PUM3: variants seen among roughly 807,000 people sequenced by gnomAD.
PUM3 encodes the protein pumilio homolog 3.
A neutral mutation model predicts 84.0 loss-of-function variants in PUM3; 91 were observed. That is an observed-to-expected ratio of 1.08 (90% CI 0.91 to 1.29). The LOEUF (loss-of-function observed/expected upper bound fraction) is 1.29, where lower values mean the gene tolerates loss of function less well. Among genes scored for constraint, PUM3 ranks in the 50% most tolerant of loss-of-function variants. The probability of loss-of-function intolerance (pLI) is 0.00; values close to 1 mark genes in which losing one functional copy is unlikely to be tolerated. For synonymous variants in PUM3, 321 were observed against 266.7 expected, an observed-to-expected ratio of 1.20 and a Z score of -1.98; for missense variants, 1,067 against 767.5, an observed-to-expected ratio of 1.39 and a Z score of -4.61.
chr9:2,833,695 AT>A (rs1364947041), intron 4 of PUM3, among the ~76,000 whole-genome samples: 2 of 152,132 alleles, frequency 1.3e-5, no homozygotes, highest in Non-Finnish European at 2.9e-5. Context: ...AAAAAAAATA[AT>A]AAAACAAATC....
At chr9:2,813,534 C>T (rs912578309) in intron 13 of PUM3, among the ~76,000 whole-genome samples, 1 of 152,186 alleles carries the variant, frequency 6.6e-6, no homozygotes, top group Non-Finnish European at 1.5e-5. Flanking sequence ...TGTCCTGGTC[C>T]TCCAACTCCA....
At chr9:2,822,468 C>A (rs1815672810) in intron 12 of PUM3, among the ~76,000 whole-genome samples, 1 of 151,742 alleles carries the variant, frequency 6.6e-6, no homozygotes, top group Non-Finnish European at 1.5e-5. Flanking sequence ...TAGCTTATCA[C>A]CCCTTTAGAA....
chr9:2,812,657 A>C (rs1238928410), intron 13 of PUM3, among the ~76,000 whole-genome samples: 1 of 152,360 alleles, frequency 6.6e-6, no homozygotes, highest in South Asian at 2.1e-4. Context: ...GAAAATGTGG[A>C]GCTAGTTCTG....
chr9:2,833,012 T>C (rs1426322477), intron 5 of PUM3, among the ~76,000 whole-genome samples: 1 of 152,166 alleles, frequency 6.6e-6, no homozygotes, highest in Non-Finnish European at 1.5e-5. Context: ...TATAAAGAAG[T>C]TGGCAATTGA....
At chr9:2,812,598 A>G (rs112247664) in intron 13 of PUM3, among the ~76,000 whole-genome samples, 65 of 152,362 alleles carry the variant, frequency 4.3e-4, no homozygotes, top group African/African-American at 1.3e-3. Context: ...TAGAATTTCA[A>G]TGGTGAAGAA....
chr9:2,811,771 G>A (rs1821380880), intron 14 of PUM3, among the ~76,000 whole-genome samples, 188 bp from the exon 15 acceptor site: 1 of 150,158 alleles, frequency 6.7e-6, no homozygotes, highest in African/African-American at 2.5e-5. Flanking sequence ...AAATGTTTGT[G>A]TCCCACGATC....
intron 17 of PUM3, among the ~76,000 whole-genome samples, chr9:2,806,278 C>G (rs1007103374): frequency 6.6e-6 from 1 of 152,174 alleles, no homozygotes; most frequent in Non-Finnish European, 1.5e-5. Context: ...TATCAGCTAA[C>G]GAATTCTGAC....
intron 9 of PUM3, among the ~76,000 whole-genome samples, chr9:2,827,794 C>T (rs77398107): frequency 6.6e-6 from 1 of 152,174 alleles, no homozygotes; most frequent in Non-Finnish European, 1.5e-5. Flanking sequence ...ACAACCAACC[C>T]ATTTAATCTT....
chr9:2,843,635 G>C (rs1441189559), intron 1 of PUM3, among the ~76,000 whole-genome samples: 1 of 140,124 alleles, frequency 7.1e-6, no homozygotes, highest in East Asian at 2.2e-4. Flanking sequence ...CTGGAGTGTA[G>C]TGGCACGATC....
At chr9:2,832,825 T>C (rs1349902240) in intron 5 of PUM3, among the ~76,000 whole-genome samples, 1 of 152,218 alleles carries the variant, frequency 6.6e-6, no homozygotes, top group Non-Finnish European at 1.5e-5. Context: ...TTCCAAGCCA[T>C]TATGTATTAA....
chr9:2,819,014 C>G (rs963550294), intron 13 of PUM3, among the ~76,000 whole-genome samples: 1 of 152,170 alleles, frequency 6.6e-6, no homozygotes, highest in Admixed American at 6.5e-5. Context: ...CATGTCATCA[C>G]TAAGATTTCT....
At chr9:2,806,356 T>C (rs751555200) in intron 17 of PUM3, among the ~76,000 whole-genome samples, 3 of 152,214 alleles carry the variant, frequency 2.0e-5, no homozygotes, top group East Asian at 3.8e-4. Context: ...GTAACACTTA[T>C]ATATTTGGAG....
chr9:2,837,547 G>A (rs966006884), intron 2 of PUM3, 146 bp from the exon 3 acceptor site: 1 of 592,180 alleles, frequency 1.7e-6, no homozygotes, highest in Non-Finnish European at 2.9e-6. Flanking sequence ...CTTTTGAGTA[G>A]AACTGGATTT....
intron 9 of PUM3, among the ~76,000 whole-genome samples, chr9:2,827,555 T>A (rs1388328650): frequency 6.6e-6 from 1 of 152,204 alleles, no homozygotes; most frequent in Non-Finnish European, 1.5e-5. Flanking sequence ...TCCATCTGTT[T>A]CACAAAATAA....
intron 13 of PUM3, among the ~76,000 whole-genome samples, chr9:2,812,582 T>C (rs1821396085): frequency 2.6e-5 from 4 of 152,150 alleles, no homozygotes; most frequent in Admixed American, 2.6e-4. Flanking sequence ...TAAAATAAAG[T>C]ATGCCTAGAA....
At position 2,811,439 on chromosome 9, in the gene PUM3, AG is replaced by A; in HGVS notation, c.1556del (p.Thr519MetfsTer8). 1 of 1,614,164 alleles carries A rather than the reference AG, an allele frequency of 6.2e-7. No homozygotes were observed. Among genetic ancestry groups the A allele is most frequent in the Non-Finnish European group, 8.5e-7 (1 of 1,180,024 alleles). ...VLVSDILGSA[T>X]GDVQPTMNAI... Reference sequence around the variant, plus strand: ...CATTCATGGTAGGCTGAACGTCTCCAGTGGCAGATCCCAGAATGTCAGACAC... The same window carrying A: ...CATTCATGGTAGGCTGAACGTCTCCATGGCAGATCCCAGAATGTCAGACAC... On this transcript the variant is annotated frameshift_variant, in exon 15 of 18. Transcript: ENST00000397885. LOFTEE classifies it high-confidence loss of function.
chr9:2,817,402 T>C (rs1821494237), intron 13 of PUM3, among the ~76,000 whole-genome samples: 1 of 152,000 alleles, frequency 6.6e-6, no homozygotes, highest in Non-Finnish European at 1.5e-5. Context: ...AAAAACAAAA[T>C]GCACAAGAAT....
intron 13 of PUM3, among the ~76,000 whole-genome samples, chr9:2,815,937 G>T (rs1821458624): frequency 6.6e-6 from 1 of 152,166 alleles, no homozygotes; most frequent in Admixed American, 6.5e-5. Flanking sequence ...GACATCTTTG[G>T]CCAGTTCTGA....
At position 2,838,500 on chromosome 9, in the gene PUM3, A is replaced by C. The variant is rs751576636; in HGVS notation, c.8T>G (p.Val3Gly). ...TCCTGTGAATTGCTTTTTCCCTTTA[A>C]CTTCCATCGTAGCAACTCTGGAAAA... ME[V>G]KGKKQFTGKS... Residue 3 changes from valine (V) to glycine (G), a missense_variant, in exon 2 of 18, where the codon GTT (valine) becomes GGT (glycine). Coordinates refer to ENST00000397885, the MANE Select transcript of PUM3 (RefSeq NM_014878.5). The C allele has an allele frequency of 4.3e-6, 7 of 1,612,900 alleles. No individual in the cohort carries two copies. The African/African-American group carries it at 9.4e-5, about 22-fold the overall frequency.
Sources: allele counts gnomAD v4.1 joint callset (sites outside exome capture counted in the v4.1 genomes callset), GRCh38; gene constraint gnomAD v4.1.1; transcripts MANE v1.5; gene names NCBI Gene and HGNC (gene_info 2026-07-23, HGNC 2026-07-21).